Variants in PDE11A observed in about 807,000 individuals in gnomAD.
PDE11A encodes phosphodiesterase 11A.
A neutral mutation model predicts 100.5 loss-of-function variants in PDE11A; 100 were observed. That is an observed-to-expected ratio of 1.00 (90% CI 0.85 to 1.18). PDE11A has a LOEUF of 1.18. PDE11A is among the 50% of genes most tolerant of loss of function. PDE11A has a pLI of 0.00. For synonymous variants in PDE11A, 381 were observed against 420.8 expected (o/e 0.91, Z 1.16); for missense variants, 1,141 against 1,152.6 (o/e 0.99, Z 0.15).
At chr2:178,045,006 A>T (rs1392702393) in intron 1 of PDE11A, among the ~76,000 whole-genome samples, 2 of 152,224 alleles carry the variant, frequency 1.3e-5, no homozygotes, top group African/African-American at 4.8e-5. Flanking sequence ...TATTGGATCA[A>T]TAGATCACCG....
At chr2:178,058,382 G>C (rs751647327) in intron 1 of PDE11A, among the ~76,000 whole-genome samples, 7 of 152,182 alleles carry the variant, frequency 4.6e-5, no homozygotes, top group Non-Finnish European at 1.0e-4. Flanking sequence ...GATCTTTCCT[G>C]TGTTGTTCTC....
At chr2:177,988,573 C>T (rs2085966897) in intron 2 of PDE11A, among the ~76,000 whole-genome samples, 1 of 152,202 alleles carries the variant, frequency 6.6e-6, no homozygotes, top group Admixed American at 6.5e-5. Context: ...TTAAAGTCCT[C>T]CTGTCCCAGG....
At chr2:177,798,920 T>C (rs567198497) in intron 9 of PDE11A, among the ~76,000 whole-genome samples, 2 of 152,046 alleles carry the variant, frequency 1.3e-5, no homozygotes, top group African/African-American at 4.8e-5. Context: ...GAAAAAAGAG[T>C]AACTGTACAT....
intron 5 of PDE11A, among the ~76,000 whole-genome samples, chr2:177,849,080 T>C (rs1340689073): frequency 6.6e-6 from 1 of 152,236 alleles, no homozygotes; most frequent in African/African-American, 2.4e-5. Flanking sequence ...GTTTGGCCTC[T>C]ACTAAGTGCT....
intron 10 of PDE11A, among the ~76,000 whole-genome samples, chr2:177,740,076 C>G (rs2081851266): frequency 6.6e-6 from 1 of 152,190 alleles, no homozygotes; most frequent in Non-Finnish European, 1.5e-5. Flanking sequence ...TGACTTCTCT[C>G]AGATATTTTA....
intron 5 of PDE11A, among the ~76,000 whole-genome samples, chr2:177,843,554 C>T (rs13413922): frequency 6.6e-6 from 1 of 152,162 alleles, no homozygotes; most frequent in Non-Finnish European, 1.5e-5. Context: ...TGAGCAGGGG[C>T]TCCTGAAAAA....
At chr2:178,008,333 T>G in intron 2 of PDE11A, among the ~76,000 whole-genome samples, 1 of 152,232 alleles carries the variant, frequency 6.6e-6, no homozygotes, top group East Asian at 1.9e-4. Flanking sequence ...ATTGACTTTA[T>G]TAAGCTGATT....
At chr2:177,936,396 C>G (rs979941163) in intron 2 of PDE11A, among the ~76,000 whole-genome samples, 3 of 152,116 alleles carry the variant, frequency 2.0e-5, no homozygotes, top group Admixed American at 2.0e-4. Context: ...AAAAAGCTCA[C>G]ATTATTTTCA....
At chr2:177,997,792 T>C in intron 2 of PDE11A, 1 of 1,305,598 alleles carries the variant, frequency 7.7e-7, no homozygotes, top group East Asian at 2.3e-5. Flanking sequence ...ATTCCCTCCA[T>C]TTTCTGCTTC....
At chr2:177,876,846 T>C (rs774689012) in intron 4 of PDE11A, among the ~76,000 whole-genome samples, 15 of 148,088 alleles carry the variant, frequency 1.0e-4, no homozygotes, top group Non-Finnish European at 1.9e-4. Context: ...AAACCTTTCC[T>C]TCTACCCTCT....
At chr2:177,713,789 G>A (rs1248579697) in intron 12 of PDE11A, among the ~76,000 whole-genome samples, 13 of 151,990 alleles carry the variant, frequency 8.6e-5, no homozygotes, top group Admixed American at 5.9e-4. Flanking sequence ...GCAGTTGGCT[G>A]TTAGTTTTTC....
intron 2 of PDE11A, among the ~76,000 whole-genome samples, chr2:177,987,984 T>C (rs1439789000): frequency 6.6e-6 from 1 of 152,144 alleles, no homozygotes; most frequent in Non-Finnish European, 1.5e-5. Context: ...AAACACAATT[T>C]CTAGTGAATT....
intron 2 of PDE11A, chr2:177,997,388 T>C (rs866298126): frequency 1.4e-4 from 115 of 824,124 alleles, no homozygotes; most frequent in Non-Finnish European, 1.1e-4. Flanking sequence ...TGAAGTTGTA[T>C]ATTCACTGGC....
chr2:177,991,075 G>A (rs1374685093), intron 2 of PDE11A, among the ~76,000 whole-genome samples: 1 of 151,270 alleles, frequency 6.6e-6, no homozygotes, highest in Non-Finnish European at 1.5e-5. Context: ...TGTAATCCTA[G>A]CACTTTGGGA....
At chr2:177,758,163 GGC>G (rs954821766) in intron 10 of PDE11A, among the ~76,000 whole-genome samples, 3 of 151,542 alleles carry the variant, frequency 2.0e-5, no homozygotes, top group African/African-American at 7.3e-5. Context: ...CAGGCATGGT[GGC>G]AGGCGCCTGT....
At chr2:177,843,365 A>G (rs1485658815) in intron 5 of PDE11A, among the ~76,000 whole-genome samples, 6 of 152,210 alleles carry the variant, frequency 3.9e-5, no homozygotes, top group Non-Finnish European at 8.8e-5. Flanking sequence ...CTAAGAACAA[A>G]TAGGGAGGGG....
At position 178,068,257 on chromosome 2, in the gene PDE11A, A is replaced by AT. The variant is rs1339592700; in HGVS notation, c.912+3268dup. Among the ~76,000 whole-genome samples, 11 of 150,936 alleles carry AT rather than the reference A, an allele frequency of 7.3e-5. No individual in the cohort carries two copies. In the South Asian group the frequency reaches 8.4e-4, roughly 12 times the overall value. ...TTTTTTTTTTTTCCATTTACGATTTATTTTTTTCCTAATTTCAAGTCTGTC... is the reference window on the plus strand; with the variant it reads ...TTTTTTTTTTTTCCATTTACGATTTATTTTTTTTCCTAATTTCAAGTCTGTC... On this transcript the variant is annotated intron_variant, in intron 1 of 19. Coordinates refer to ENST00000286063, the MANE Select transcript of PDE11A (RefSeq NM_016953.4).
chr2:177,995,683 A>G (rs2086064418), intron 2 of PDE11A, among the ~76,000 whole-genome samples: 1 of 146,044 alleles, frequency 6.8e-6, no homozygotes, highest in Non-Finnish European at 1.5e-5. Context: ...TAAAAATTCT[A>G]TTGGCTAACT....
intron 12 of PDE11A, among the ~76,000 whole-genome samples, chr2:177,714,098 A>G (rs2081400373): frequency 7.4e-6 from 1 of 134,242 alleles, no homozygotes; most frequent in Non-Finnish European, 1.5e-5. Flanking sequence ...GGTTCATGCC[A>G]TTCTCCTGCC....
Sources: allele counts gnomAD v4.1 joint callset (sites outside exome capture counted in the v4.1 genomes callset), GRCh38; gene constraint gnomAD v4.1.1; transcripts MANE v1.5; gene names NCBI Gene and HGNC (gene_info 2026-07-23, HGNC 2026-07-21).